SRGAP1: variants seen among roughly 807,000 people sequenced by gnomAD.
SRGAP1 encodes SLIT-ROBO Rho GTPase-activating protein 1.
In SRGAP1, 43 loss-of-function variants were observed where a neutral mutation model predicts 121.9. The ratio of observed to expected loss-of-function variants is 0.35; its 90% CI spans 0.28 to 0.46. The LOEUF (loss-of-function observed/expected upper bound fraction) is 0.46, where lower values mean the gene tolerates loss of function less well. SRGAP1 is among the 20% of genes least tolerant of loss of function. SRGAP1 has a pLI of 1.00. For synonymous variants in SRGAP1, 447 were observed against 485.4 expected (o/e 0.92, Z 1.04); for missense variants, 1,102 against 1,350.9 (o/e 0.82, Z 2.89).
intron 19 of SRGAP1, among the ~76,000 whole-genome samples, chr12:64,126,849 A>G (rs1462171765): frequency 1.3e-5 from 2 of 152,242 alleles, no homozygotes; most frequent in African/African-American, 4.8e-5. Context: ...ATATATTCAT[A>G]TATAAAATAA....
chr12:63,928,483 T>C (rs1017530362), intron 1 of SRGAP1, among the ~76,000 whole-genome samples: 1 of 152,206 alleles, frequency 6.6e-6, no homozygotes, highest in African/African-American at 2.4e-5. Flanking sequence ...CACCATGGCC[T>C]GTTTCTCAGT....
chr12:64,072,099 A>G (rs981550390), intron 8 of SRGAP1, among the ~76,000 whole-genome samples: 24 of 62,234 alleles, frequency 3.9e-4, no homozygotes, highest in Non-Finnish European at 7.3e-4. Flanking sequence ...GAGTTGACCC[A>G]ATCTCTCTCT....
At position 64,052,654 on chromosome 12, in the gene SRGAP1, T is replaced by C. The variant is rs535493933; in HGVS notation, c.801+9079T>C. The stretch of plus-strand genomic sequence containing the variant: ...AAAAAGCATGGAATTAGTAAAATGA[T>C]AGATATATGCCTTAAATATGTTTAA... On this transcript the variant is annotated intron_variant, in intron 6 of 21. Coordinates refer to ENST00000355086, the MANE Select transcript of SRGAP1 (RefSeq NM_020762.4). 3.3e-4 allele frequency among the ~76,000 whole-genome samples: 50 copies of C among 152,316 alleles called. 1 individual carries two copies. Among genetic ancestry groups the C allele is most frequent in the East Asian group, 2.3e-3 (12 of 5,192 alleles).
At chr12:64,119,480 G>A (rs544009656) in intron 18 of SRGAP1, among the ~76,000 whole-genome samples, 11 of 152,114 alleles carry the variant, frequency 7.2e-5, no homozygotes, top group Admixed American at 2.6e-4. Context: ...AATTAATATC[G>A]TTACAATATT....
At chr12:63,941,060 T>A (rs1165107781) in intron 1 of SRGAP1, among the ~76,000 whole-genome samples, 4 of 152,154 alleles carry the variant, frequency 2.6e-5, no homozygotes, top group African/African-American at 9.7e-5. Flanking sequence ...TGGCATCGTT[T>A]AGTGTTGCTG....
intron 2 of SRGAP1, among the ~76,000 whole-genome samples, chr12:63,985,541 A>G (rs1328241793): frequency 4.6e-5 from 7 of 152,240 alleles, no homozygotes; most frequent in Non-Finnish European, 8.8e-5. Flanking sequence ...AGGCCAGATC[A>G]TCTGAAAAAC....
Position 63,984,079 on chromosome 12 carries a change from T to A in SRGAP1, c.200T>A (p.Leu67Gln). Residue 67 changes from leucine (L) to glutamine (Q), a missense_variant, in exon 2 of 22, where the codon CTA becomes CAA. Physicochemically the swap from Leu to Gln is moderately radical, Grantham distance 113. This residue lies in a region of SRGAP1 where 747 missense variants were observed against 929.4 expected (regional missense o/e 0.80). Coordinates refer to ENST00000355086, the MANE Select transcript of SRGAP1 (RefSeq NM_020762.4). ...AEIETEYSRN[L>Q]EKLAERFMAK... ...ATTGAGACGGAATATTCCCGGAATCTAGAGAAGTTAGCAGAAAGGTTCATG... is the reference window on the plus strand; with the variant it reads ...ATTGAGACGGAATATTCCCGGAATCAAGAGAAGTTAGCAGAAAGGTTCATG... 1 of 1,539,116 alleles carries A rather than the reference T, an allele frequency of 6.5e-7. No individual in the cohort carries two copies. The highest frequency in any genetic ancestry group is 8.8e-7 in the Non-Finnish European group (1 of 1,134,536).
intron 4 of SRGAP1, among the ~76,000 whole-genome samples, chr12:64,042,459 A>G (rs771633375): frequency 1.3e-5 from 2 of 152,132 alleles, no homozygotes; most frequent in African/African-American, 4.8e-5. Flanking sequence ...TATTCTGCAA[A>G]TTAATAATGT....
intron 1 of SRGAP1, among the ~76,000 whole-genome samples, chr12:63,923,967 C>G (rs1232515514): frequency 6.6e-6 from 1 of 152,110 alleles, no homozygotes; most frequent in Non-Finnish European, 1.5e-5. Context: ...CATGGCAAAC[C>G]CTGTCTCTAC....
chr12:64,108,086 C>T (rs2036374711), intron 15 of SRGAP1, among the ~76,000 whole-genome samples: 1 of 152,188 alleles, frequency 6.6e-6, no homozygotes, highest in African/African-American at 2.4e-5. Flanking sequence ...CTGCCTACTG[C>T]AAAGTTTATT....
chr12:64,020,839 G>A (rs1333365098), intron 4 of SRGAP1, among the ~76,000 whole-genome samples: 6 of 99,918 alleles, frequency 6.0e-5, no homozygotes, highest in Admixed American at 4.9e-4. Flanking sequence ...GTGAGACTCC[G>A]TCTCAAAAAA....
At chr12:63,942,788 A>ACGCTTT (rs1213953472) in intron 1 of SRGAP1, among the ~76,000 whole-genome samples, 3 of 152,092 alleles carry the variant, frequency 2.0e-5, no homozygotes, top group Admixed American at 6.6e-5. Flanking sequence ...CCCAGCGCAG[A>ACGCTTT]CGCTTTCTTT....
intron 4 of SRGAP1, among the ~76,000 whole-genome samples, chr12:64,024,439 T>C (rs2034611366): frequency 6.6e-6 from 1 of 151,964 alleles, no homozygotes; most frequent in African/African-American, 2.4e-5. Context: ...TAAGATCCAG[T>C]CTCAAAAAAA....
chr12:63,909,961 C>T (rs907386626), intron 1 of SRGAP1, among the ~76,000 whole-genome samples: 3 of 152,198 alleles, frequency 2.0e-5, no homozygotes, highest in African/African-American at 7.2e-5. Context: ...TACTTAAAGT[C>T]AACCCGTTAT....
Position 64,160,545 on chromosome 12 carries a change from C to T in SRGAP1, c.*17873C>T, listed in dbSNP as rs2037201558. On this transcript the variant is annotated 3_prime_UTR_variant, in exon 22 of 22. Transcript: ENST00000355086. ...TTTCTCAATCAAAAGGCAAATATATCTCATATGTCGGAAGATTAATGTATG... is the reference window on the plus strand; with the variant it reads ...TTTCTCAATCAAAAGGCAAATATATTTCATATGTCGGAAGATTAATGTATG... 6.6e-6 allele frequency: 1 copy of T among 152,162 alleles called. No homozygotes were observed. Among genetic ancestry groups the T allele is most frequent in the African/African-American group, 2.4e-5 (1 of 41,430 alleles). The allele number at this position is 152,162 out of a possible 1,614,324, so 9.4% of individuals were successfully genotyped here. A position where few individuals can be genotyped will look rare whatever the true frequency, so the allele number is the denominator to read the frequency against.
At chr12:63,862,421 C>G (rs937009340) in intron 1 of SRGAP1, among the ~76,000 whole-genome samples, 1 of 152,134 alleles carries the variant, frequency 6.6e-6, no homozygotes, top group Non-Finnish European at 1.5e-5. Flanking sequence ...GTCACAGTTA[C>G]TGGACTGTCA....
intron 1 of SRGAP1, among the ~76,000 whole-genome samples, chr12:63,961,093 A>G (rs1206966451): frequency 6.6e-6 from 1 of 152,212 alleles, no homozygotes; most frequent in Non-Finnish European, 1.5e-5. Context: ...GCTGTCAGAT[A>G]TCACGTACAT....
chr12:63,867,490 C>T (rs1240952808), intron 1 of SRGAP1, among the ~76,000 whole-genome samples: 1 of 152,136 alleles, frequency 6.6e-6, no homozygotes, highest in African/African-American at 2.4e-5. Flanking sequence ...AGAGTCAACA[C>T]AGTATAGAGG....
intron 15 of SRGAP1, among the ~76,000 whole-genome samples, chr12:64,101,308 G>T (rs1034204645): frequency 7.2e-6 from 1 of 138,010 alleles, no homozygotes; most frequent in East Asian, 2.2e-4. Context: ...TGGGGAAAGG[G>T]GTGTGTGTGT....
Sources: gnomAD v4.1 joint callset for allele counts (sites outside exome capture counted in the v4.1 genomes callset) on GRCh38, gnomAD v4.1.1 for gene constraint, gnomAD v4.1.1 regional missense constraint, MANE v1.5 for transcripts, NCBI Gene and HGNC (gene_info 2026-07-23, HGNC 2026-07-21) for gene names.